The following PCDHGA1 variants were observed in gnomAD, a reference collection of about 807,000 sequenced individuals.
PCDHGA1 encodes the protein protocadherin gamma subfamily A, 1.
A neutral mutation model predicts 58.0 loss-of-function variants in PCDHGA1; 32 were observed. That is an observed-to-expected ratio of 0.55 (90% confidence interval 0.42 to 0.74). PCDHGA1 has a LOEUF of 0.74. Among genes scored for constraint, PCDHGA1 ranks in the 30% least tolerant of loss-of-function variants. The pLI is 0.00. For missense variants in PCDHGA1, 1,205 were observed against 1,182.3 expected, an observed-to-expected ratio of 1.02 and a Z score of -0.28; for synonymous variants, 498 against 501.1, an observed-to-expected ratio of 0.99 and a Z score of 0.08.
chr5:141,424,018 CACAA>C (rs909442976), intron 1 of PCDHGA1: 3 of 1,051,682 alleles, frequency 2.9e-6, no homozygotes, highest in South Asian at 4.6e-5. Context: ...ATTAATGATT[CACAA>C]ACACTTTTTA....
intron 1 of PCDHGA1, chr5:141,365,449 T>A: frequency 1.2e-6 from 2 of 1,614,052 alleles, no homozygotes; most frequent in Non-Finnish European, 1.7e-6. Context: ...GCGTACATGA[T>A]GGTGATTCTG....
intron 1 of PCDHGA1, among the ~76,000 whole-genome samples, chr5:141,354,829 C>G (rs1208052718): frequency 1.3e-5 from 2 of 151,828 alleles, no homozygotes; most frequent in African/African-American, 4.9e-5. Flanking sequence ...TACAGGAAGA[C>G]TTGGATCATT....
At chr5:141,374,887 C>T (rs1248527882) in intron 1 of PCDHGA1, 1 of 1,613,670 alleles carries the variant, frequency 6.2e-7, no homozygotes. Flanking sequence ...CTGCCACCGA[C>T]CAGGATGAAG....
chr5:141,456,098 C>T (rs1222639126), intron 1 of PCDHGA1, among the ~76,000 whole-genome samples: 2 of 151,980 alleles, frequency 1.3e-5, no homozygotes, highest in Non-Finnish European at 2.9e-5. Flanking sequence ...GGGATTTCAC[C>T]GTGTTAGCCA....
chr5:141,362,515 G>C, intron 1 of PCDHGA1: 1 of 1,613,978 alleles, frequency 6.2e-7, no homozygotes. Context: ...TACAAATCAT[G>C]GAGCCGCTGG....
At chr5:141,370,392 G>C (rs773955179) in intron 1 of PCDHGA1, 2 of 1,544,790 alleles carry the variant, frequency 1.3e-6, no homozygotes, top group Non-Finnish European at 1.7e-6. Flanking sequence ...CGCAGAGAGC[G>C]GGATGGGAAA....
Position 141,493,477 on chromosome 5 carries a change from G to A in PCDHGA1, c.2422-1330G>A, listed in dbSNP as rs1657824440. On this transcript the variant is annotated intron_variant, in intron 1 of 3. Transcript: ENST00000517417. This position sits in a 1 kb window ranked among gnomAD's most constrained non-coding sequence, Gnocchi z 4.3. ...TTCCCTTTTAGGACCTTACATGTGG[G>A]GAAAGTCTTCTGTGGCTCCTCATTT... is the stretch of plus-strand genomic sequence containing the variant. Among the ~76,000 whole-genome samples, 3 of 152,124 alleles carry A rather than the reference G, an allele frequency of 2.0e-5. No individual in the cohort carries two copies. The highest frequency in any genetic ancestry group is 6.5e-5 in the Admixed American group (1 of 15,272).
chr5:141,338,759 C>A, intron 1 of PCDHGA1: 3 of 1,235,628 alleles, frequency 2.4e-6, no homozygotes, highest in African/African-American at 1.5e-5. Flanking sequence ...GCGAGACATC[C>A]AATCCAGCAA....
At chr5:141,397,753 A>G (rs1052800196) in intron 1 of PCDHGA1, among the ~76,000 whole-genome samples, 9 of 152,266 alleles carry the variant, frequency 5.9e-5, no homozygotes, top group African/African-American at 9.6e-5. Flanking sequence ...AGAAGTTGTT[A>G]TAATTTTTTA....
At chr5:141,414,897 C>A (rs2095799678) in intron 1 of PCDHGA1, 7 of 1,614,230 alleles carry the variant, frequency 4.3e-6, no homozygotes, top group Non-Finnish European at 5.9e-6. Flanking sequence ...TCCCCACAGA[C>A]GGTTCCACAG....
At position 141,483,010 on chromosome 5, in the gene PCDHGA1, G is replaced by A. The variant is rs574078222; in HGVS notation, c.2422-11797G>A. Among the ~76,000 whole-genome samples the A allele has an allele frequency of 1.3e-3, 204 of 152,122 alleles. 1 individual carries two copies. Among genetic ancestry groups the A allele is most frequent in the African/African-American group, 4.0e-3 (168 of 41,498 alleles). On this transcript the variant is annotated intron_variant, in intron 1 of 3. Coordinates refer to ENST00000517417, the MANE Select transcript of PCDHGA1 (RefSeq NM_018912.3). Reference sequence around the variant, plus strand: ...CGAGGCAGGAGAATTGCTTGAACCCGGGAGGCAGAGGTTGCAATGAGCTGG... The same window carrying A: ...CGAGGCAGGAGAATTGCTTGAACCCAGGAGGCAGAGGTTGCAATGAGCTGG...
chr5:141,403,688 A>T (rs1385402830), intron 1 of PCDHGA1: 1 of 1,613,836 alleles, frequency 6.2e-7, no homozygotes, highest in Non-Finnish European at 8.5e-7. Flanking sequence ...TGCTCAACGG[A>T]TTTACCGAGT....
intron 1 of PCDHGA1, chr5:141,372,130 C>G (rs1434489801): frequency 1.2e-6 from 2 of 1,613,648 alleles, no homozygotes; most frequent in Non-Finnish European, 1.7e-6. Context: ...GATATGGTGC[C>G]GCGCTCTGCA....
intron 1 of PCDHGA1, among the ~76,000 whole-genome samples, chr5:141,473,990 G>A (rs988540565): frequency 2.0e-5 from 3 of 152,130 alleles, no homozygotes; most frequent in African/African-American, 7.2e-5. Flanking sequence ...GATCCCTTGA[G>A]CCCAAGGAGC....
intron 1 of PCDHGA1, among the ~76,000 whole-genome samples, chr5:141,480,693 G>C (rs1488899685): frequency 2.6e-5 from 4 of 152,096 alleles, no homozygotes; most frequent in Non-Finnish European, 5.9e-5. Context: ...CTGAAACCCA[G>C]GCCACACCCC....
intron 1 of PCDHGA1, among the ~76,000 whole-genome samples, chr5:141,401,205 G>C (rs1479820661): frequency 6.6e-6 from 1 of 152,118 alleles, no homozygotes; most frequent in African/African-American, 2.4e-5. Context: ...AGCTGGGTGT[G>C]GTGGCGGGCG....
At chr5:141,415,740 GTT>G (rs57426385) in intron 1 of PCDHGA1, 13,277 of 614,848 alleles carry the variant, frequency 0.022, 3 homozygotes, top group South Asian at 0.023. Context: ...GTTTATTAAG[GTT>G]TTTTTTTTTT....
rs777314784 is a variant in PCDHGA1, at chr5:141,432,669, C to A, written c.2422-62138C>A. On this transcript the variant is annotated intron_variant, in intron 1 of 3. Transcript: ENST00000517417. The surrounding 1 kb of genome is among the most constrained non-coding windows in gnomAD (Gnocchi z 6.0). ...GCGCGAGCCCTGCTGGACAGAGACG[C>A]GCTCAAGCAGAGCCTCGTAGTGGCC... 1 of 1,613,894 alleles carries A rather than the reference C, an allele frequency of 6.2e-7. No homozygotes were observed. Among genetic ancestry groups the A allele is most frequent in the Non-Finnish European group, 8.5e-7 (1 of 1,179,950 alleles).
At chr5:141,404,776 A>C in intron 1 of PCDHGA1, 1 of 1,613,070 alleles carries the variant, frequency 6.2e-7, no homozygotes, top group Non-Finnish European at 8.5e-7. Context: ...CCTACCGCCT[A>C]TTCAAGGCCA....
Sources: gnomAD v4.1 joint callset for allele counts (sites outside exome capture counted in the v4.1 genomes callset) on GRCh38, gnomAD v4.1.1 for gene constraint, Gnocchi (gnomAD v3.1) non-coding constraint, MANE v1.5 for transcripts, NCBI Gene and HGNC (gene_info 2026-07-23, HGNC 2026-07-21) for gene names.